The following COL14A1 variants were observed in gnomAD, a reference collection of about 807,000 sequenced individuals.
COL14A1 encodes the protein collagen type XIV alpha 1 chain, also known as collagen alpha-1(XIV) chain.
A neutral mutation model predicts 230.3 loss-of-function variants in COL14A1; 136 were observed. The ratio of observed to expected loss-of-function variants is 0.59; its 90% CI spans 0.51 to 0.68. The LOEUF (loss-of-function observed/expected upper bound fraction) is 0.68. Ranked by LOEUF, COL14A1 falls within the 30% of genes least tolerant of loss-of-function variation. COL14A1 has a pLI of 0.00. For missense variants in COL14A1, 1,976 were observed against 2,215.8 expected (o/e 0.89, Z 2.17); for synonymous variants, 792 against 784.1 (o/e 1.01, Z -0.17).
Position 120,319,547 on chromosome 8 carries a change from C to T in COL14A1, c.4659+3550C>T, listed in dbSNP as rs191914764. ...CAGGTGCCATCACCTTGACTGAAAG[C>T]TTATGGAAAGGTTAGCACCCCTTTC... On this transcript the variant is annotated intron_variant, in intron 40 of 47. Transcript: ENST00000297848. 1.7e-3 allele frequency among the ~76,000 whole-genome samples: 254 copies of T among 152,230 alleles called. 2 individuals are homozygous for T. Among genetic ancestry groups the T allele is most frequent in the Middle Eastern group, 0.01 (3 of 294 alleles).
At chr8:120,237,095 G>A (rs965268740) in intron 19 of COL14A1, among the ~76,000 whole-genome samples, 3 of 151,896 alleles carry the variant, frequency 2.0e-5, no homozygotes, top group African/African-American at 4.8e-5. Flanking sequence ...GATTGGGGTT[G>A]CTCTTCTTGA....
At chr8:120,282,270 C>A (rs1233861311) in intron 31 of COL14A1, among the ~76,000 whole-genome samples, 2 of 152,168 alleles carry the variant, frequency 1.3e-5, no homozygotes, top group Non-Finnish European at 1.5e-5. Flanking sequence ...TCTCTGGATC[C>A]CCAGCAAATT....
intron 5 of COL14A1, among the ~76,000 whole-genome samples, chr8:120,193,931 G>A (rs4475534): frequency 0.028 from 4,296 of 152,226 alleles, 200 homozygotes; most frequent in African/African-American, 0.099. Context: ...GGAGTGACCC[G>A]GTTTTCCAGG....
chr8:120,237,896 G>T (rs201845621), intron 19 of COL14A1, among the ~76,000 whole-genome samples: 15 of 152,234 alleles, frequency 9.9e-5, no homozygotes, highest in Admixed American at 9.8e-4. Flanking sequence ...TTGGAGTTTG[G>T]TGGAGGGCCA....
chr8:120,345,622 C>A, intron 45 of COL14A1, 59 bp downstream of exon 45: 2 of 1,351,106 alleles, frequency 1.5e-6, no homozygotes, highest in Non-Finnish European at 1.9e-6. Flanking sequence ...GGAAGCAGAA[C>A]ATTATAGTGG....
intron 34 of COL14A1, among the ~76,000 whole-genome samples, chr8:120,293,315 TTGA>T (rs1403316586): frequency 6.6e-6 from 1 of 152,016 alleles, no homozygotes; most frequent in East Asian, 1.9e-4. Flanking sequence ...AGTAGACTAG[TTGA>T]TGATTCTACA....
chr8:120,199,413 A>G lies in COL14A1; in HGVS notation c.724A>G (p.Asn242Asp), dbSNP rs1456284428. The change falls in exon 8 of 48, where the codon AAC becomes GAC. Residue 242 changes from asparagine (N) to aspartate (D), a missense_variant. Coordinates refer to ENST00000297848, the MANE Select transcript of COL14A1 (RefSeq NM_021110.4). ...GGNTLTGLAL[N>D]YIFENSFKPE... ...TTGTTTTCTCCAAGGTCTTGCTTTG[A>G]ACTACATTTTTGAAAATAGCTTCAA... is the stretch of plus-strand genomic sequence containing the variant. The G allele has an allele frequency of 6.2e-7, 1 of 1,600,076 alleles. No individual in the cohort carries two copies. The highest frequency in any genetic ancestry group is 8.5e-7 in the Non-Finnish European group (1 of 1,175,752).
At chr8:120,358,613 T>G (rs1823072342) in intron 45 of COL14A1, among the ~76,000 whole-genome samples, 1 of 151,158 alleles carries the variant, frequency 6.6e-6, no homozygotes, top group African/African-American at 2.4e-5. Context: ...AGCCAGAAAA[T>G]CATGGCAAGT....
chr8:120,181,901 G>A (rs7831027), intron 5 of COL14A1, among the ~76,000 whole-genome samples: 1,854 of 152,144 alleles, frequency 0.012, 35 homozygotes, highest in African/African-American at 0.041. Flanking sequence ...GCAGTAAGCC[G>A]AGATGGCACC....
chr8:120,257,930 C>T (rs1819209846), intron 23 of COL14A1, among the ~76,000 whole-genome samples: 1 of 152,162 alleles, frequency 6.6e-6, no homozygotes, highest in Admixed American at 6.5e-5. Flanking sequence ...AATGAAGTCT[C>T]TACTGTAACC....
intron 41 of COL14A1, 25 bp from the exon 42 acceptor site, chr8:120,332,639 T>C: frequency 6.2e-7 from 1 of 1,600,046 alleles, no homozygotes; most frequent in Non-Finnish European, 8.5e-7. Flanking sequence ...CCTGACTTTG[T>C]TCCATTTTCC....
chr8:120,306,219 T>C (rs1820854575), intron 36 of COL14A1, among the ~76,000 whole-genome samples: 1 of 152,140 alleles, frequency 6.6e-6, no homozygotes, highest in South Asian at 2.1e-4. Flanking sequence ...TACATGTTTA[T>C]AGCAGGAGGG....
rs201323400 is a variant in COL14A1 at position 120,226,304 on chromosome 8, AT to A, written c.1865-320del. ...TTCCTCAAGATACTTGGAAAATAATATTTAAAAAAAAAATGAATATGGCACT... is the reference window on the plus strand; with the variant it reads ...TTCCTCAAGATACTTGGAAAATAATATTAAAAAAAAAATGAATATGGCACT... On this transcript the variant is annotated intron_variant, in intron 15 of 47. Transcript: ENST00000297848. Among the ~76,000 whole-genome samples, 3,937 of 150,964 alleles carry A rather than the reference AT, an allele frequency of 0.026. 105 individuals carry two copies. The highest frequency in any genetic ancestry group is 0.076 in the African/African-American group (3,117 of 40,796).
chr8:120,370,956 A>G, intron 47 of COL14A1, 196 bp from the exon 48 acceptor site: 2 of 1,106,830 alleles, frequency 1.8e-6, no homozygotes. Flanking sequence ...AATTTCTGTA[A>G]TGTATCTTTC....
rs997011398 is a variant in COL14A1 at position 120,262,494 on chromosome 8, CA to C, written c.2870-367del. Among the ~76,000 whole-genome samples, 4 of 151,698 alleles carry C rather than the reference CA, an allele frequency of 2.6e-5. No homozygotes were observed. In the South Asian group the frequency reaches 6.2e-4, roughly 24 times the overall value. On this transcript the variant is annotated intron_variant, in intron 23 of 47. Coordinates refer to ENST00000297848, the MANE Select transcript of COL14A1 (RefSeq NM_021110.4). ...CTCAGAAAAAAAACAAAAACAAAAA[CA>C]AAAAAACCCCACAAAGATTAAAAAA...
intron 44 of COL14A1, among the ~76,000 whole-genome samples, chr8:120,344,229 G>A (rs934551114): frequency 6.6e-6 from 1 of 152,224 alleles, no homozygotes; most frequent in Non-Finnish European, 1.5e-5. Flanking sequence ...TGTATTTCTG[G>A]TACCTCAACC....
chr8:120,211,787 A>G (rs1329570011), intron 12 of COL14A1, among the ~76,000 whole-genome samples: 2 of 152,228 alleles, frequency 1.3e-5, no homozygotes, highest in Admixed American at 6.5e-5. Context: ...CTTCCAAAAC[A>G]TAAAACTATC....
intron 14 of COL14A1, among the ~76,000 whole-genome samples, chr8:120,223,356 A>G (rs576620561): frequency 6.6e-6 from 1 of 152,294 alleles, no homozygotes; most frequent in East Asian, 1.9e-4. Context: ...CATCAAGATT[A>G]GTCACTGATA....
At chr8:120,161,326 T>C (rs538894947) in intron 3 of COL14A1, among the ~76,000 whole-genome samples, 1 of 152,358 alleles carries the variant, frequency 6.6e-6, no homozygotes, top group East Asian at 1.9e-4. Flanking sequence ...TTAATTTTCC[T>C]TTTCTCAGAC....
Sources: gnomAD v4.1 joint callset for allele counts (sites outside exome capture counted in the v4.1 genomes callset) on GRCh38, gnomAD v4.1.1 for gene constraint, MANE v1.5 for transcripts, NCBI Gene and HGNC (gene_info 2026-07-23, HGNC 2026-07-21) for gene names.